The following NDC1 variants were observed in gnomAD, a reference collection of about 807,000 sequenced individuals.
NDC1 encodes NDC1 transmembrane nucleoporin.
In NDC1, 24 loss-of-function variants were observed where a neutral mutation model predicts 89.8. The ratio of observed to expected loss-of-function variants is 0.27; its 90% CI spans 0.19 to 0.38. The LOEUF is 0.38. Ranked by LOEUF, NDC1 falls within the 10% of genes least tolerant of loss-of-function variation. The pLI, the probability that NDC1 is intolerant of heterozygous loss-of-function variation, is 1.00. For synonymous variants in NDC1, 296 were observed against 284.8 expected (o/e 1.04, Z -0.39); for missense variants, 728 against 797.6 (o/e 0.91, Z 1.05).
At position 53,789,157 on chromosome 1, in the gene NDC1, G is replaced by C; in HGVS notation, c.1675C>G (p.Gln559Glu). The C allele has an allele frequency of 2.5e-6, 4 of 1,608,122 alleles. No individual in the cohort carries two copies. Among genetic ancestry groups the C allele is most frequent in the Non-Finnish European group, 2.5e-6 (3 of 1,176,824 alleles). The change falls in exon 15 of 18, where the codon CAA becomes GAA. Residue 559 changes from glutamine to glutamate, a missense_variant. Gln to Glu is a conservative substitution (Grantham distance 29). Transcript: ENST00000371429. ...ASIQAVFSDAQMHIWALEGLS... is the reference protein window; with the variant it reads ...ASIQAVFSDAEMHIWALEGLS... ...CCTTCTAATGCCCAAATATGCATTT[G>C]GGCATCTGAAAAAACAGCCTGAATG... is the stretch of plus-strand genomic sequence containing the variant.
At chr1:53,781,911 C>T (rs969381977) in intron 16 of NDC1, among the ~76,000 whole-genome samples, 3 of 152,192 alleles carry the variant, frequency 2.0e-5, no homozygotes, top group Non-Finnish European at 4.4e-5. Context: ...AGCAATGATG[C>T]AATCCAGCAG....
chr1:53,833,745 T>A (rs1172801435), intron 2 of NDC1, among the ~76,000 whole-genome samples: 2 of 151,958 alleles, frequency 1.3e-5, no homozygotes, highest in Non-Finnish European at 2.9e-5. Context: ...TGCCTAAAAA[T>A]ATGAATGAAA....
In NDC1 at chr1:53,820,382, G is replaced by GA. The variant is rs952032502; in HGVS notation, c.595-1304dup. ...GATCTAAGAAAAAGGAATCAAATAA[G>GA]AAAAAAAAATCGGGGAGTGGGGAGG... is the stretch of plus-strand genomic sequence containing the variant. On this transcript the variant is annotated intron_variant, in intron 5 of 17. Coordinates refer to ENST00000371429, the MANE Select transcript of NDC1 (RefSeq NM_018087.5). Among the ~76,000 whole-genome samples the GA allele has an allele frequency of 6.6e-5, 10 of 151,284 alleles. No individual in the cohort carries two copies. The East Asian group carries it at 1.4e-3, about 21-fold the overall frequency.
At chr1:53,825,479 C>G (rs1199404646) in intron 5 of NDC1, among the ~76,000 whole-genome samples, 2 of 127,046 alleles carry the variant, frequency 1.6e-5, no homozygotes, top group African/African-American at 7.2e-5. Flanking sequence ...ACACAGAGTA[C>G]TTTGCATGAA....
At chr1:53,815,325 C>G (rs1055663339) in intron 6 of NDC1, among the ~76,000 whole-genome samples, 5 of 152,094 alleles carry the variant, frequency 3.3e-5, no homozygotes, top group African/African-American at 1.2e-4. Flanking sequence ...TGTGATACAC[C>G]ACATAAACAG....
At chr1:53,788,422 CA>C (rs869051565) in intron 15 of NDC1, among the ~76,000 whole-genome samples, 14 of 148,972 alleles carry the variant, frequency 9.4e-5, no homozygotes, top group African/African-American at 3.5e-4. Context: ...CTCGTCCCTA[CA>C]AAAAAAAAAT....
intron 17 of NDC1, among the ~76,000 whole-genome samples, chr1:53,772,094 C>T (rs1647118231): frequency 6.6e-6 from 1 of 151,978 alleles, no homozygotes; most frequent in African/African-American, 2.4e-5. Context: ...TAATCTGCTG[C>T]ATTTATAACT....
At chr1:53,830,558 A>C (rs1649024344) in intron 3 of NDC1, among the ~76,000 whole-genome samples, 2 of 152,124 alleles carry the variant, frequency 1.3e-5, no homozygotes, top group Non-Finnish European at 2.9e-5. Flanking sequence ...GTGTTGAAGA[A>C]CTAAAAAGGC....
At chr1:53,786,406 A>G (rs1159749637) in intron 16 of NDC1, among the ~76,000 whole-genome samples, 1 of 152,242 alleles carries the variant, frequency 6.6e-6, no homozygotes. Flanking sequence ...AGGACCAAGA[A>G]AACCTATTAG....
At chr1:53,768,728 C>T (rs987309194) in intron 17 of NDC1, among the ~76,000 whole-genome samples, 1 of 152,102 alleles carries the variant, frequency 6.6e-6, no homozygotes, top group Admixed American at 6.6e-5. Flanking sequence ...AGTGCCAAAA[C>T]GGTCTTATTT....
chr1:53,833,387 C>T (rs569380000), intron 2 of NDC1, among the ~76,000 whole-genome samples: 6 of 152,218 alleles, frequency 3.9e-5, no homozygotes, highest in South Asian at 2.1e-4. Context: ...TCACCCACCT[C>T]GGCCTCCCAA....
intron 16 of NDC1, among the ~76,000 whole-genome samples, chr1:53,780,262 T>C (rs1164309092): frequency 6.6e-6 from 1 of 152,004 alleles, no homozygotes; most frequent in South Asian, 2.1e-4. Context: ...TTAGTAGAGA[T>C]AGGGTTTCAC....
chr1:53,816,229 C>A (rs549301774), intron 6 of NDC1, among the ~76,000 whole-genome samples: 2 of 152,050 alleles, frequency 1.3e-5, no homozygotes, highest in African/African-American at 2.4e-5. Flanking sequence ...CAAAACAGAG[C>A]GGTACTGGTG....
intron 6 of NDC1, 33 bp downstream of exon 6, chr1:53,818,933 GATAAT>G (rs1557585746): frequency 1.1e-6 from 1 of 921,660 alleles, no homozygotes; most frequent in Non-Finnish European, 1.7e-6. Flanking sequence ...TGGGCTATGA[GATAAT>G]ATATCACTGT....
At chr1:53,792,211 G>A (rs924997850) in intron 14 of NDC1, among the ~76,000 whole-genome samples, 1 of 152,058 alleles carries the variant, frequency 6.6e-6, no homozygotes, top group African/African-American at 2.4e-5. Flanking sequence ...AAAAGTGCTG[G>A]GATTACAGGT....
chr1:53,820,609 A>G (rs994978050), intron 5 of NDC1, among the ~76,000 whole-genome samples: 8 of 151,738 alleles, frequency 5.3e-5, no homozygotes, highest in African/African-American at 1.9e-4. Flanking sequence ...TCTCCTTCTC[A>G]GTCTCTGCCC....
chr1:53,805,537 G>GTA (rs1280102614), intron 9 of NDC1, among the ~76,000 whole-genome samples: 2 of 152,086 alleles, frequency 1.3e-5, no homozygotes, highest in African/African-American at 2.4e-5. Context: ...CACACATACT[G>GTA]TAGATCTAGT....
chr1:53,811,587 C>T (rs1168144295), intron 6 of NDC1, among the ~76,000 whole-genome samples: 5 of 152,084 alleles, frequency 3.3e-5, no homozygotes, highest in African/African-American at 9.7e-5. Flanking sequence ...AATCTAACTC[C>T]CATTCCCCAC....
chr1:53,825,460 A>AAAAAAAAAAAAAAGAAG (rs1039370528), intron 5 of NDC1, among the ~76,000 whole-genome samples: 1 of 142,116 alleles, frequency 7.0e-6, no homozygotes, highest in African/African-American at 2.6e-5. Flanking sequence ...CTCCAAAAAA[A>AAAAAAAAAAAAAAGAAG]AAGAAGCTAC....
Sources: allele counts gnomAD v4.1 joint callset (sites outside exome capture counted in the v4.1 genomes callset), GRCh38; gene constraint gnomAD v4.1.1; transcripts MANE v1.5; gene names NCBI Gene and HGNC (gene_info 2026-07-23, HGNC 2026-07-21).